The following DIAPH2 variants were observed in gnomAD, a reference collection of about 807,000 sequenced individuals.
DIAPH2 encodes diaphanous related formin 2.
A neutral mutation model predicts 92.7 loss-of-function variants in DIAPH2; 35 were observed. That is an observed-to-expected ratio of 0.38 (90% CI 0.29 to 0.50). The LOEUF is 0.50. Ranked by LOEUF, DIAPH2 falls within the 20% of genes least tolerant of loss-of-function variation. DIAPH2 has a pLI of 0.94. For missense variants in DIAPH2, 701 were observed against 819.5 expected (o/e 0.86, Z 1.77); for synonymous variants, 301 against 280.4 (o/e 1.07, Z -0.73).
intron 24 of DIAPH2, among the ~76,000 whole-genome samples, chrX:97,383,304 A>G (rs1486795089): frequency 9.0e-6 from 1 of 111,214 alleles, no homozygotes; most frequent in Non-Finnish European, 1.9e-5. Flanking sequence ...TATCACCAGC[A>G]CCAGGACCAC....
chrX:96,817,363 C>T (rs1400549183), intron 4 of DIAPH2, among the ~76,000 whole-genome samples: 1 of 110,333 alleles, frequency 9.1e-6, no homozygotes, highest in African/African-American at 3.3e-5. Flanking sequence ...CTACTATGTA[C>T]CCACAGAAAT....
chrX:97,043,437 T>TG lies in DIAPH2; in HGVS notation c.2051-29497dup, dbSNP rs774331432. On this transcript the variant is annotated intron_variant, in intron 17 of 26. Coordinates refer to ENST00000324765, the MANE Select transcript of DIAPH2 (RefSeq NM_006729.5). ...ATGGATTTATTTTGTATTTATATCC[T>TG]GGGGGGGATGTACATTCTGATATTG... Among the ~76,000 whole-genome samples the TG allele has an allele frequency of 1.4e-4, 15 of 110,653 alleles. No individual in the cohort carries two copies. In the East Asian group the frequency reaches 1.7e-3, roughly 13 times the overall value.
At chrX:97,250,824 A>G (rs1172041792) in intron 23 of DIAPH2, among the ~76,000 whole-genome samples, 2 of 111,992 alleles carry the variant, frequency 1.8e-5, no homozygotes, top group Non-Finnish European at 3.8e-5. Context: ...TTTTCTTCAT[A>G]TATCTCTCAC....
intron 22 of DIAPH2, among the ~76,000 whole-genome samples, chrX:97,228,121 G>A (rs964177988): frequency 1.8e-5 from 2 of 111,222 alleles, no homozygotes; most frequent in East Asian, 2.8e-4. Context: ...GGCTGGTCTC[G>A]AGTTTGTGGG....
At chrX:97,517,040 T>C (rs1334075545) in intron 26 of DIAPH2, among the ~76,000 whole-genome samples, 1 of 112,333 alleles carries the variant, frequency 8.9e-6, no homozygotes, top group Non-Finnish European at 1.9e-5. Context: ...TGGAATGATT[T>C]CTACAATCAA....
intron 23 of DIAPH2, among the ~76,000 whole-genome samples, chrX:97,327,041 G>T (rs1189100887): frequency 8.9e-6 from 1 of 112,388 alleles, no homozygotes; most frequent in Non-Finnish European, 1.9e-5. Context: ...TAAAATAAGA[G>T]TACTCAACAG....
chrX:97,238,497 T>A (rs1310468580), intron 22 of DIAPH2, among the ~76,000 whole-genome samples: 1 of 111,449 alleles, frequency 9.0e-6, no homozygotes, highest in East Asian at 2.8e-4. Context: ...AACACATATT[T>A]AGAATGCACA....
intron 1 of DIAPH2, among the ~76,000 whole-genome samples, chrX:96,697,467 G>A (rs2063831275): frequency 9.2e-6 from 1 of 108,514 alleles, no homozygotes; most frequent in South Asian, 4.1e-4. Context: ...CCAACATGGT[G>A]GAACCCTGTC....
At chrX:96,740,981 G>A (rs775851554) in intron 3 of DIAPH2, among the ~76,000 whole-genome samples, 1 of 110,277 alleles carries the variant, frequency 9.1e-6, no homozygotes, top group Admixed American at 9.7e-5. Context: ...CTTAATTTAC[G>A]AGTAAATTGA....
chrX:97,108,792 G>T (rs1211503514), intron 20 of DIAPH2, among the ~76,000 whole-genome samples: 2 of 111,857 alleles, frequency 1.8e-5, no homozygotes, highest in African/African-American at 6.5e-5. Flanking sequence ...AATAAAGCAT[G>T]ATATTTACAG....
intron 4 of DIAPH2, among the ~76,000 whole-genome samples, chrX:96,858,629 G>C (rs1481997375): frequency 8.9e-6 from 1 of 111,919 alleles, no homozygotes; most frequent in African/African-American, 3.3e-5. Context: ...TAGTGTTCAA[G>C]TCAGGTTCCT....
intron 17 of DIAPH2, among the ~76,000 whole-genome samples, chrX:97,047,546 T>C (rs2066492957): frequency 1.2e-5 from 1 of 80,375 alleles, no homozygotes; most frequent in Non-Finnish European, 2.4e-5. Flanking sequence ...AATAGGCTTT[T>C]TTTTTTTTTT....
At chrX:97,266,564 G>T (rs1277956084) in intron 23 of DIAPH2, among the ~76,000 whole-genome samples, 1 of 111,352 alleles carries the variant, frequency 9.0e-6, no homozygotes, top group Non-Finnish European at 1.9e-5. Context: ...TTGGTGCTTC[G>T]ATGTCCTGTA....
intron 26 of DIAPH2, among the ~76,000 whole-genome samples, chrX:97,446,497 GA>G (rs1478683863): frequency 1.8e-5 from 2 of 111,586 alleles, no homozygotes; most frequent in East Asian, 2.8e-4. Context: ...GTAAAACAAA[GA>G]AAAAAATAAT....
intron 22 of DIAPH2, among the ~76,000 whole-genome samples, chrX:97,142,244 G>A (rs2067213141): frequency 9.0e-6 from 1 of 111,598 alleles, no homozygotes; most frequent in Non-Finnish European, 1.9e-5. Flanking sequence ...AATGCTGCAG[G>A]AAAAGATAAT....
At chrX:97,332,209 T>C (rs1284564131) in intron 23 of DIAPH2, among the ~76,000 whole-genome samples, 1 of 112,029 alleles carries the variant, frequency 8.9e-6, no homozygotes, top group African/African-American at 3.2e-5. Context: ...TGAATACTTA[T>C]AGAATCTAGC....
chrX:97,556,587 C>T (rs2071258950), intron 26 of DIAPH2, among the ~76,000 whole-genome samples: 1 of 111,713 alleles, frequency 9.0e-6, no homozygotes, highest in Non-Finnish European at 1.9e-5. Flanking sequence ...CCAATTTCTA[C>T]CCCCATTGTC....
chrX:97,359,521 G>A (rs1233139938), intron 24 of DIAPH2, among the ~76,000 whole-genome samples: 1 of 105,491 alleles, frequency 9.5e-6, no homozygotes. Context: ...TCATTGTCAT[G>A]GAATACAGTC....
intron 22 of DIAPH2, among the ~76,000 whole-genome samples, chrX:97,185,006 C>T (rs1000966010): frequency 1.1e-4 from 12 of 107,579 alleles, no homozygotes; most frequent in South Asian, 4.1e-4. Context: ...TGGCTGGATG[C>T]GGTGGCTCAC....
Sources: allele counts gnomAD v4.1 joint callset (sites outside exome capture counted in the v4.1 genomes callset), GRCh38; gene constraint gnomAD v4.1.1; transcripts MANE v1.5; gene names NCBI Gene and HGNC (gene_info 2026-07-23, HGNC 2026-07-21).